Variants in UTP18 observed in about 807,000 individuals in gnomAD.
UTP18 encodes the protein UTP18 small subunit processome component.
Under a neutral mutation model 61.1 loss-of-function variants are expected in UTP18, and 36 were observed. That is an observed-to-expected ratio of 0.59 (90% CI 0.45 to 0.78). The LOEUF (loss-of-function observed/expected upper bound fraction) is 0.78. UTP18 is among the 30% of genes least tolerant of loss of function. The pLI is 0.00. For missense variants in UTP18, 753 were observed against 693.9 expected, an observed-to-expected ratio of 1.09 and a Z score of -0.96; for synonymous variants, 282 against 251.1, an observed-to-expected ratio of 1.12 and a Z score of -1.16.
At chr17:51,265,637 C>T (rs1320353896) in intron 2 of UTP18, among the ~76,000 whole-genome samples, 1 of 140,764 alleles carries the variant, frequency 7.1e-6, no homozygotes, top group African/African-American at 2.7e-5. Context: ...AATCTGGGCT[C>T]ATTTCAACCT....
At chr17:51,268,243 G>C (rs866828010) in intron 3 of UTP18, among the ~76,000 whole-genome samples, 11 of 152,072 alleles carry the variant, frequency 7.2e-5, no homozygotes, top group African/African-American at 2.2e-4. Context: ...AGCCAGGATG[G>C]TCTCAATCTC....
At chr17:51,263,545 C>T (rs941312070) in intron 2 of UTP18, among the ~76,000 whole-genome samples, 159 bp downstream of exon 2, 2 of 152,170 alleles carry the variant, frequency 1.3e-5, no homozygotes, top group Admixed American at 6.5e-5. Context: ...ATCCCACCAC[C>T]GAGGGAGAAC....
intron 2 of UTP18, among the ~76,000 whole-genome samples, chr17:51,263,854 A>T (rs1024064133): frequency 2.6e-5 from 4 of 152,208 alleles, no homozygotes; most frequent in Non-Finnish European, 5.9e-5. Flanking sequence ...ACTGTCATGG[A>T]TGAGAATGTA....
At chr17:51,268,097 C>T (rs1401357541) in intron 3 of UTP18, among the ~76,000 whole-genome samples, 1 of 149,604 alleles carries the variant, frequency 6.7e-6, no homozygotes, top group Non-Finnish European at 1.5e-5. Context: ...GCAAGCTCTG[C>T]CTCCCGGGTT....
chr17:51,272,160 G>A (rs184939799), intron 4 of UTP18, among the ~76,000 whole-genome samples: 266 of 151,350 alleles, frequency 1.8e-3, no homozygotes, highest in Non-Finnish European at 1.0e-3. Flanking sequence ...GTGCAGTGGC[G>A]CAATCTCAGC....
rs112137478 is a variant in UTP18 at position 51,290,709 on chromosome 17, A to G, written c.1503+2506A>G. Among the ~76,000 whole-genome samples the G allele has an allele frequency of 1.2e-4, 18 of 152,340 alleles. 2 individuals carry two copies. Among genetic ancestry groups the G allele is most frequent in the African/African-American group, 4.3e-4 (18 of 41,574 alleles). ...TGCATTGTTTGCTTCAGTGATCATG[A>G]CAGCATTTATATTTTTTTTATTGTG... On this transcript the variant is annotated intron_variant, in intron 11 of 13. Coordinates refer to ENST00000225298, the MANE Select transcript of UTP18 (RefSeq NM_016001.3).
intron 6 of UTP18, among the ~76,000 whole-genome samples, chr17:51,276,690 C>G (rs538558612): frequency 2.0e-5 from 3 of 152,310 alleles, no homozygotes; most frequent in East Asian, 3.9e-4. Flanking sequence ...CCATTCAGTC[C>G]TGCAGGTGCT....
At chr17:51,272,321 A>T (rs1340583287) in intron 4 of UTP18, among the ~76,000 whole-genome samples, 1 of 151,698 alleles carries the variant, frequency 6.6e-6, no homozygotes, top group Middle Eastern at 3.2e-3. Flanking sequence ...TTGATCTCTG[A>T]CTCCTGACCT....
In UTP18 at chr17:51,294,052, ATTAT is replaced by A. The variant is rs1905299217; in HGVS notation, c.1646+12_1646+15del. ...GCAAGGCCCTGATGTATAGGTAGGT[ATTAT>A]TTATGTTTAAAAGTCAGAGATACCT... On this transcript the variant is annotated splice_region_variant and intron_variant, in intron 12 of 13. Coordinates refer to ENST00000225298, the MANE Select transcript of UTP18 (RefSeq NM_016001.3). 4 of 1,573,598 alleles carry A rather than the reference ATTAT, an allele frequency of 2.5e-6. No homozygotes were observed. Among genetic ancestry groups the A allele is most frequent in the Non-Finnish European group, 3.4e-6 (4 of 1,165,480 alleles).
chr17:51,269,838 ATTGTGTGTGT>A (rs1904452738), intron 4 of UTP18, among the ~76,000 whole-genome samples: 2 of 115,212 alleles, frequency 1.7e-5, no homozygotes, highest in African/African-American at 3.0e-5. Flanking sequence ...CAAATAATGT[ATTGTGTGTGT>A]GTGTGTGTGT....
intron 4 of UTP18, among the ~76,000 whole-genome samples, chr17:51,272,161 C>T (rs1425679976): frequency 2.0e-5 from 3 of 151,916 alleles, no homozygotes; most frequent in Non-Finnish European, 4.4e-5. Flanking sequence ...TGCAGTGGCG[C>T]AATCTCAGCT....
chr17:51,270,290 G>C (rs1302888084), intron 4 of UTP18, among the ~76,000 whole-genome samples: 3 of 152,138 alleles, frequency 2.0e-5, no homozygotes, highest in Non-Finnish European at 4.4e-5. Flanking sequence ...CATTTGGGAA[G>C]CCTCTTTCCA....
chr17:51,278,921 A>T (rs192720172), intron 7 of UTP18, among the ~76,000 whole-genome samples: 2 of 152,296 alleles, frequency 1.3e-5, no homozygotes, highest in Admixed American at 1.3e-4. Flanking sequence ...GCATGAGTCC[A>T]AGCAAGGGAA....
chr17:51,280,240 G>C, intron 8 of UTP18, 135 bp downstream of exon 8: 1 of 1,285,522 alleles, frequency 7.8e-7, no homozygotes, highest in Non-Finnish European at 1.1e-6. Context: ...GAGAGAAGTT[G>C]TGGGCAGTTG....
intron 13 of UTP18, among the ~76,000 whole-genome samples, chr17:51,297,256 C>G (rs941173926): frequency 6.6e-6 from 1 of 152,154 alleles, no homozygotes; most frequent in Non-Finnish European, 1.5e-5. Context: ...CAATAATTCT[C>G]ATCAAAATTG....
Position 51,287,942 on chromosome 17 carries a change from G to C in UTP18, c.1329-87G>C, listed in dbSNP as rs1324535723. 1.9e-5 allele frequency: 20 copies of C among 1,038,814 alleles called. No homozygotes were observed. The East Asian group carries it at 3.6e-4, about 19-fold the overall frequency. 64.3% of individuals were successfully genotyped at this position (1,038,814 alleles called of 1,614,324 possible). The stretch of plus-strand genomic sequence containing the variant: ...TGTAACATGATTCCTGTAAATACCA[G>C]TTTGTGGGGTTAAATCTATATTCAC... On this transcript the variant is annotated intron_variant, in intron 10 of 13. Transcript: ENST00000225298.
chr17:51,291,265 T>C (rs748922412), intron 11 of UTP18, among the ~76,000 whole-genome samples: 28 of 152,064 alleles, frequency 1.8e-4, no homozygotes, highest in Non-Finnish European at 2.8e-4. Flanking sequence ...GGGCTATAAA[T>C]AGATGTCAGA....
At chr17:51,266,735 T>C (rs1279267673) in intron 3 of UTP18, among the ~76,000 whole-genome samples, 3 of 152,212 alleles carry the variant, frequency 2.0e-5, no homozygotes, top group Non-Finnish European at 4.4e-5. Flanking sequence ...AGATTAAGGA[T>C]GTTTTCCTTC....
At chr17:51,269,161 C>T (rs955519023) in intron 4 of UTP18, among the ~76,000 whole-genome samples, 3 of 151,824 alleles carry the variant, frequency 2.0e-5, no homozygotes, top group African/African-American at 7.3e-5. Flanking sequence ...GTGGTATGTT[C>T]CTGTAGTCCC....
Sources: gnomAD v4.1 joint callset for allele counts (sites outside exome capture counted in the v4.1 genomes callset) on GRCh38, gnomAD v4.1.1 for gene constraint, MANE v1.5 for transcripts, NCBI Gene and HGNC (gene_info 2026-07-23, HGNC 2026-07-21) for gene names.